DRC9: variants seen among roughly 807,000 people sequenced by gnomAD.
DRC9 encodes the protein dynein regulatory complex subunit 9.
the DRC9 span, among the ~76,000 whole-genome samples, chr3:197,903,790 T>C: frequency 6.6e-6 from 1 of 151,528 alleles, no homozygotes; most frequent in Non-Finnish European, 1.5e-5. Flanking sequence ...AACAAGTCTA[T>C]AGGAAAAAAT....
chr3:197,911,742 C>T, the DRC9 span, among the ~76,000 whole-genome samples: 2 of 151,698 alleles, frequency 1.3e-5, no homozygotes, highest in African/African-American at 2.4e-5. Context: ...TGGGTTCAAG[C>T]GATTCTATTG....
chr3:197,942,385 C>CAAAAA, the DRC9 span, among the ~76,000 whole-genome samples: 114 of 17,060 alleles, frequency 6.7e-3, 12 homozygotes, highest in African/African-American at 8.9e-3. Flanking sequence ...CTCCGTCTCA[C>CAAAAA]AAAAAAAAAA....
At chr3:197,901,415 G>C in the DRC9 span, among the ~76,000 whole-genome samples, 2 of 152,166 alleles carry the variant, frequency 1.3e-5, no homozygotes, top group East Asian at 3.9e-4. This position sits in a 1 kb window ranked among gnomAD's most constrained non-coding sequence, Gnocchi z 4.4. Context: ...TGGGATTATA[G>C]GCATGAGCCA....
the DRC9 span, among the ~76,000 whole-genome samples, chr3:197,947,889 G>A: frequency 6.6e-6 from 1 of 151,340 alleles, no homozygotes; most frequent in Admixed American, 6.6e-5. Context: ...TAGGTCCCGG[G>A]AGACTCCATC....
At chr3:197,901,596 C>T in the DRC9 span, among the ~76,000 whole-genome samples, 1 of 152,254 alleles carries the variant, frequency 6.6e-6, no homozygotes, top group Non-Finnish European at 1.5e-5. The surrounding 1 kb of genome is among the most constrained non-coding windows in gnomAD (Gnocchi z 4.4). Flanking sequence ...TGGCGGCACT[C>T]TCCATGGGCC....
chr3:197,939,725 G>A, the DRC9 span, among the ~76,000 whole-genome samples: 16 of 152,060 alleles, frequency 1.1e-4, no homozygotes, highest in African/African-American at 3.9e-4. Context: ...GAAATGTAAG[G>A]TCTAGGAGGC....
At chr3:197,904,673 C>T in the DRC9 span, among the ~76,000 whole-genome samples, 1 of 151,920 alleles carries the variant, frequency 6.6e-6, no homozygotes, top group African/African-American at 2.4e-5. Context: ...ACAGCCTGGC[C>T]AATATGGAGA....
At chr3:197,913,524 G>C in the DRC9 span, 4 of 410,140 alleles carry the variant, frequency 9.8e-6, no homozygotes, top group East Asian at 5.2e-5. Flanking sequence ...CTGGTTAGAT[G>C]AAAGAAACAG....
the DRC9 span, chr3:197,957,014 T>C: frequency 6.6e-6 from 1 of 152,134 alleles, no homozygotes; most frequent in Non-Finnish European, 1.5e-5. Flanking sequence ...GCAGCGTGTA[T>C]GGGTTCTCTT....
the DRC9 span, among the ~76,000 whole-genome samples, chr3:197,921,092 G>A: frequency 9.3e-5 from 13 of 139,726 alleles, no homozygotes; most frequent in East Asian, 1.7e-3. Flanking sequence ...AGTAACTCCG[G>A]GGATTTCACC....
the DRC9 span, chr3:197,912,811 A>T: frequency 7.4e-7 from 1 of 1,348,046 alleles, no homozygotes. Flanking sequence ...GAAGTTCTCA[A>T]GATGAGAGCA....
chr3:197,897,927 C>T, the DRC9 span, among the ~76,000 whole-genome samples: 10 of 148,942 alleles, frequency 6.7e-5, no homozygotes, highest in African/African-American at 1.0e-4. Flanking sequence ...CCCGCCACCA[C>T]GCCCAGCTAA....
At chr3:197,952,335 A>G in the DRC9 span, among the ~76,000 whole-genome samples, 2 of 151,108 alleles carry the variant, frequency 1.3e-5, no homozygotes, top group African/African-American at 2.4e-5. Flanking sequence ...ATGCCTGTCT[A>G]ATTTTTGTAT....
the DRC9 span, chr3:197,889,510 G>A: frequency 1.3e-3 from 2,071 of 1,546,928 alleles, 5 homozygotes; most frequent in Admixed American, 1.9e-3. Context: ...GAGGTACCAG[G>A]TGTTTCTTAA....
At chr3:197,926,685 A>G in the DRC9 span, among the ~76,000 whole-genome samples, 2 of 151,914 alleles carry the variant, frequency 1.3e-5, no homozygotes, top group African/African-American at 4.8e-5. Flanking sequence ...CTCCCATCCC[A>G]TTATTAAGTG....
chr3:197,932,673 T>TAAA, the DRC9 span, among the ~76,000 whole-genome samples: 7 of 140,526 alleles, frequency 5.0e-5, no homozygotes, highest in Non-Finnish European at 1.5e-5. Flanking sequence ...AAATAAATAA[T>TAAA]ATTTTCAGGC....
At chr3:197,902,393 G>A in the DRC9 span, among the ~76,000 whole-genome samples, 204 of 152,146 alleles carry the variant, frequency 1.3e-3, no homozygotes, top group African/African-American at 2.8e-3. Flanking sequence ...GGGACTAATC[G>A]TGGAGAAACA....
At chr3:197,920,019 G>C in the DRC9 span, among the ~76,000 whole-genome samples, 2 of 148,764 alleles carry the variant, frequency 1.3e-5, no homozygotes, top group Non-Finnish European at 3.0e-5. Flanking sequence ...GGCTAACATG[G>C]TGAAACCCCA....
At chr3:197,932,236 A>T in the DRC9 span, 1 of 1,613,382 alleles carries the variant, frequency 6.2e-7, no homozygotes. Context: ...CTTGCAGGAG[A>T]CTGTTGTAAG....
Sources: gnomAD v4.1 joint callset for allele counts (sites outside exome capture counted in the v4.1 genomes callset) on GRCh38, gnomAD v4.1.1 for gene constraint, Gnocchi (gnomAD v3.1) non-coding constraint, MANE v1.5 for transcripts, NCBI Gene and HGNC (gene_info 2026-07-23, HGNC 2026-07-21) for gene names.